The following GALNT13 variants were observed in gnomAD, a reference collection of about 807,000 sequenced individuals.
GALNT13 encodes UDP-GalNAc:polypeptide N-acetylgalactosaminyltransferase 13.
Under a neutral mutation model 64.2 loss-of-function variants are expected in GALNT13, and 28 were observed. The observed-to-expected ratio is 0.44, with a 90% CI of 0.32 to 0.60. The LOEUF (loss-of-function observed/expected upper bound fraction) is 0.60. Ranked by LOEUF, GALNT13 falls within the 20% of genes least tolerant of loss-of-function variation. The pLI is 0.05. For missense variants in GALNT13, 577 were observed against 669.8 expected (o/e 0.86, Z 1.53); for synonymous variants, 214 against 224.6 (o/e 0.95, Z 0.42).
chr2:154,129,004 A>G (rs541821695), intron 3 of GALNT13, among the ~76,000 whole-genome samples: 1 of 152,278 alleles, frequency 6.6e-6, no homozygotes, highest in Admixed American at 6.5e-5. Flanking sequence ...TTGGAAATGC[A>G]AATCTTACAA....
At chr2:153,395,338 T>C in the GALNT13 span, among the ~76,000 whole-genome samples, 1 of 151,988 alleles carries the variant, frequency 6.6e-6, no homozygotes. Flanking sequence ...CCACATGGAG[T>C]CACGGTTGTA....
chr2:153,262,373 G>A, the GALNT13 span, among the ~76,000 whole-genome samples: 6 of 152,206 alleles, frequency 3.9e-5, no homozygotes, highest in Non-Finnish European at 7.3e-5. Flanking sequence ...GGACTACAAA[G>A]AGGAGGTGGT....
the GALNT13 span, among the ~76,000 whole-genome samples, chr2:153,440,802 G>GT: frequency 3.3e-5 from 5 of 151,326 alleles, no homozygotes; most frequent in Admixed American, 6.6e-5. Flanking sequence ...GGTATTGTTT[G>GT]TTTTTTTTCT....
chr2:153,108,450 A>G, the GALNT13 span, among the ~76,000 whole-genome samples: 2 of 152,116 alleles, frequency 1.3e-5, no homozygotes, highest in Non-Finnish European at 2.9e-5. Context: ...TCCCTAAACT[A>G]TACCCATTTC....
intron 9 of GALNT13, among the ~76,000 whole-genome samples, chr2:154,362,585 A>G (rs1697137712): frequency 6.6e-6 from 1 of 152,052 alleles, no homozygotes; most frequent in Non-Finnish European, 1.5e-5. Flanking sequence ...CACCCAACCC[A>G]AAAGCTCTTG....
At chr2:154,243,589 T>C (rs1001046980) in intron 6 of GALNT13, among the ~76,000 whole-genome samples, 1 of 152,228 alleles carries the variant, frequency 6.6e-6, no homozygotes, top group African/African-American at 2.4e-5. Flanking sequence ...ATAACACTTA[T>C]AGAAATTAAG....
At chr2:154,147,737 A>G (rs193075926) in intron 4 of GALNT13, among the ~76,000 whole-genome samples, 47 of 152,166 alleles carry the variant, frequency 3.1e-4, no homozygotes, top group African/African-American at 1.1e-3. Flanking sequence ...CTAATTGAGA[A>G]AGCAGAAAAT....
the GALNT13 span, among the ~76,000 whole-genome samples, chr2:153,223,794 A>T: frequency 2.0e-5 from 3 of 151,866 alleles, no homozygotes; most frequent in Non-Finnish European, 4.4e-5. Context: ...TCCCGCCTCT[A>T]CTAAAAAAAA....
intron 4 of GALNT13, among the ~76,000 whole-genome samples, chr2:154,165,736 A>G (rs1684986252): frequency 6.6e-6 from 1 of 152,214 alleles, no homozygotes; most frequent in Admixed American, 6.5e-5. Flanking sequence ...GGATTACCAA[A>G]GGGCACTGAT....
At chr2:154,177,919 G>A (rs950256859) in intron 4 of GALNT13, among the ~76,000 whole-genome samples, 1 of 152,106 alleles carries the variant, frequency 6.6e-6, no homozygotes, top group African/African-American at 2.4e-5. Flanking sequence ...TGCTCAACTT[G>A]CCATTTTAAG....
chr2:154,456,039 T>C (rs1457659829), downstream of GALNT13, among the ~76,000 whole-genome samples: 1 of 152,178 alleles, frequency 6.6e-6, no homozygotes, highest in East Asian at 1.9e-4. Flanking sequence ...ATGCATTCCA[T>C]TGGTGTGAAA....
At chr2:153,228,805 G>A in the GALNT13 span, among the ~76,000 whole-genome samples, 288 of 150,526 alleles carry the variant, frequency 1.9e-3, 2 homozygotes, top group African/African-American at 6.6e-3. Flanking sequence ...CCTGGGAGGC[G>A]GAGGTTGCAG....
chr2:153,566,597 G>A, the GALNT13 span, among the ~76,000 whole-genome samples: 3 of 152,048 alleles, frequency 2.0e-5, no homozygotes, highest in East Asian at 1.9e-4. Flanking sequence ...CTTGTGATCC[G>A]CCTGCCTTGG....
chr2:154,218,901 A>G (rs1383446202), intron 4 of GALNT13, among the ~76,000 whole-genome samples: 1 of 151,956 alleles, frequency 6.6e-6, no homozygotes, highest in Non-Finnish European at 1.5e-5. Flanking sequence ...TATCTTTTGT[A>G]TGACATATTG....
chr2:153,251,146 C>T, the GALNT13 span, among the ~76,000 whole-genome samples: 1 of 152,110 alleles, frequency 6.6e-6, no homozygotes, highest in Non-Finnish European at 1.5e-5. Context: ...TTACAGAATG[C>T]ATTGCCAAAT....
chr2:154,031,019 T>A (rs1333954824), intron 3 of GALNT13, among the ~76,000 whole-genome samples: 1 of 152,150 alleles, frequency 6.6e-6, no homozygotes, highest in East Asian at 1.9e-4. Context: ...AAAACATGTT[T>A]CTCATATTTT....
At chr2:153,640,847 G>T in the GALNT13 span, among the ~76,000 whole-genome samples, 1 of 152,086 alleles carries the variant, frequency 6.6e-6, no homozygotes, top group African/African-American at 2.4e-5. Flanking sequence ...TAGTAGAGAA[G>T]AATAATGTTA....
chr2:154,362,738 G>A (rs770864505), intron 9 of GALNT13, among the ~76,000 whole-genome samples: 1 of 152,100 alleles, frequency 6.6e-6, no homozygotes, highest in African/African-American at 2.4e-5. Context: ...GCTATACTAA[G>A]CAATGCATGA....
At chr2:153,381,202 C>T in the GALNT13 span, among the ~76,000 whole-genome samples, 1 of 152,142 alleles carries the variant, frequency 6.6e-6, no homozygotes, top group South Asian at 2.1e-4. Flanking sequence ...CCTCCTCATC[C>T]TCCCGAAGTG....
Sources: allele counts gnomAD v4.1 joint callset (sites outside exome capture counted in the v4.1 genomes callset), GRCh38; gene constraint gnomAD v4.1.1; transcripts MANE v1.5; gene names NCBI Gene and HGNC (gene_info 2026-07-23, HGNC 2026-07-21).